Variants in EPS15L1 observed in about 807,000 individuals in gnomAD.
The protein encoded by EPS15L1 is epidermal growth factor receptor substrate 15-like 1.
Under a neutral mutation model 117.1 loss-of-function variants are expected in EPS15L1, and 43 were observed. The ratio of observed to expected loss-of-function variants is 0.37; its 90% CI spans 0.29 to 0.47. The LOEUF is 0.47. Ranked by LOEUF, EPS15L1 falls within the 20% of genes least tolerant of loss-of-function variation. EPS15L1 has a pLI of 0.99. For synonymous variants in EPS15L1, 459 were observed against 470.5 expected, an observed-to-expected ratio of 0.98 and a Z score of 0.32; for missense variants, 981 against 1,164.0, an observed-to-expected ratio of 0.84 and a Z score of 2.29.
chr19:16,369,332 G>A (rs1309781515), intron 22 of EPS15L1, among the ~76,000 whole-genome samples: 3 of 152,158 alleles, frequency 2.0e-5, no homozygotes, highest in African/African-American at 7.2e-5. Flanking sequence ...ACCGAATTTT[G>A]AGAAAATCTG....
chr19:16,426,138 T>C (rs150433066), intron 8 of EPS15L1, among the ~76,000 whole-genome samples: 331 of 152,324 alleles, frequency 2.2e-3, no homozygotes, highest in Non-Finnish European at 4.0e-3. Context: ...TTGACCCACC[T>C]TGACCCAGTG....
At chr19:16,421,242 C>A in intron 10 of EPS15L1, 77 bp downstream of exon 10, 1 of 1,489,094 alleles carries the variant, frequency 6.7e-7, no homozygotes, top group South Asian at 1.3e-5. Context: ...GGCCCCCTGA[C>A]CACCACCCTC....
chr19:16,406,490 C>T (rs539012168), intron 13 of EPS15L1, among the ~76,000 whole-genome samples: 4 of 152,308 alleles, frequency 2.6e-5, no homozygotes, highest in Admixed American at 6.5e-5. Context: ...CCCAATGCTC[C>T]GAGCGATGCT....
At chr19:16,428,659 A>G in intron 8 of EPS15L1, 43 bp downstream of exon 8, 1 of 1,551,770 alleles carries the variant, frequency 6.4e-7, no homozygotes, top group East Asian at 2.3e-5. Flanking sequence ...CGCACTGCAC[A>G]TTTCCTTCCT....
At chr19:16,406,726 C>G (rs527549537) in intron 13 of EPS15L1, among the ~76,000 whole-genome samples, 13 of 152,344 alleles carry the variant, frequency 8.5e-5, no homozygotes, top group African/African-American at 3.1e-4. Context: ...CCAAAGATGC[C>G]AAAATGTGTA....
intron 1 of EPS15L1, among the ~76,000 whole-genome samples, chr19:16,458,015 G>T (rs2093213658): frequency 6.6e-6 from 1 of 152,064 alleles, no homozygotes; most frequent in African/African-American, 2.4e-5. Context: ...TTCCTTTCCT[G>T]CATCAGCTAC....
chr19:16,379,042 G>A lies in EPS15L1; in HGVS notation c.2248-1788C>T, dbSNP rs970034832. ...TTCCTGGCCGGGCGCACTGGCTCACGCCTGTAATCCCAGCACTTTGGGAGG... is the reference window on the plus strand; with the variant it reads ...TTCCTGGCCGGGCGCACTGGCTCACACCTGTAATCCCAGCACTTTGGGAGG... On this transcript the variant is annotated intron_variant, in intron 21 of 23. Coordinates refer to ENST00000455140, the MANE Select transcript of EPS15L1 (RefSeq NM_001258374.3). 5.3e-5 allele frequency among the ~76,000 whole-genome samples: 8 copies of A among 152,190 alleles called. No homozygotes were observed. The East Asian group carries it at 9.6e-4, about 18-fold the overall frequency.
chr19:16,452,731 T>C (rs565535370), intron 1 of EPS15L1, among the ~76,000 whole-genome samples: 35 of 152,214 alleles, frequency 2.3e-4, no homozygotes, highest in Middle Eastern at 6.8e-3. Flanking sequence ...TTGATAACTG[T>C]TGTAAATGGG....
Position 16,425,159 on chromosome 19 carries a change from G to A in EPS15L1, c.716C>T (p.Thr239Met), listed in dbSNP as rs143789982. ...GCTGCTGACGCTGCCGTGGGACGGCGTGGAGCGGAGGCTGTCTTTTGGTGG... is the reference window on the plus strand; with the variant it reads ...GCTGCTGACGCTGCCGTGGGACGGCATGGAGCGGAGGCTGTCTTTTGGTGG... ...SPPPKDSLRS[T>M]PSHGSVSSLN... Residue 239 changes from threonine (T) to methionine (M), a missense_variant, in exon 9 of 24, where the codon ACG becomes ATG. Physicochemically the swap from Thr to Met is moderately conservative, Grantham distance 81 (BLOSUM62 -1). Transcript: ENST00000455140. 9.3e-6 allele frequency: 15 copies of A among 1,613,896 alleles called. No individual in the cohort carries two copies. Among genetic ancestry groups the A allele is most frequent in the Admixed American group, 3.3e-5 (2 of 59,994 alleles).
At chr19:16,442,913 G>A (rs894422438) in intron 1 of EPS15L1, among the ~76,000 whole-genome samples, 1 of 152,174 alleles carries the variant, frequency 6.6e-6, no homozygotes, top group Non-Finnish European at 1.5e-5. Flanking sequence ...GGCCACCAGA[G>A]GCCACACCTG....
intron 1 of EPS15L1, among the ~76,000 whole-genome samples, chr19:16,464,015 G>A (rs2093277555): frequency 6.6e-6 from 1 of 152,240 alleles, no homozygotes; most frequent in Non-Finnish European, 1.5e-5. Flanking sequence ...TGCAGGCCTG[G>A]GAAACACGGG....
At chr19:16,412,860 C>G (rs1472516451) in intron 13 of EPS15L1, 2 of 568,052 alleles carry the variant, frequency 3.5e-6, no homozygotes, top group Non-Finnish European at 3.3e-6. Context: ...GAGGCAAGGC[C>G]GAGGATAAGG....
chr19:16,366,556 A>AC (rs774420081), intron 22 of EPS15L1, among the ~76,000 whole-genome samples: 2 of 152,148 alleles, frequency 1.3e-5, no homozygotes, highest in Non-Finnish European at 2.9e-5. Context: ...TGTTGCCGAA[A>AC]CCGTTGTTAT....
chr19:16,462,287 T>C (rs879662124), intron 1 of EPS15L1, among the ~76,000 whole-genome samples: 9 of 152,118 alleles, frequency 5.9e-5, no homozygotes, highest in Admixed American at 4.6e-4. Flanking sequence ...CTGGGCCCAC[T>C]CACTGGTGAG....
At chr19:16,359,821 C>G (rs1164191905) in intron 23 of EPS15L1, among the ~76,000 whole-genome samples, 2 of 151,876 alleles carry the variant, frequency 1.3e-5, no homozygotes, top group Non-Finnish European at 2.9e-5. Context: ...TGTGACTGCA[C>G]CACTGCATTC....
intron 7 of EPS15L1, among the ~76,000 whole-genome samples, chr19:16,431,400 T>C (rs1033105472): frequency 1.1e-4 from 16 of 151,448 alleles, no homozygotes; most frequent in African/African-American, 3.6e-4. Context: ...GCCTCCCAGA[T>C]TCAAGCGATT....
At chr19:16,401,707 C>T (rs774427381) in intron 16 of EPS15L1, 6 of 985,372 alleles carry the variant, frequency 6.1e-6, no homozygotes, top group South Asian at 4.7e-5. Flanking sequence ...TGTAAGGGGC[C>T]GACAGTCCCC....
Position 16,395,342 on chromosome 19 carries a change from A to C in EPS15L1, c.1915+2T>G. On this transcript the variant is annotated splice_donor_variant, in intron 17 of 23. Transcript: ENST00000455140. LOFTEE classifies it high-confidence loss of function. ...TGAGAAAGTGGGTAGCAAGTGAGATACCTTTGAAGGGGTCAGCTCCTTTAA... is the reference window on the plus strand; with the variant it reads ...TGAGAAAGTGGGTAGCAAGTGAGATCCCTTTGAAGGGGTCAGCTCCTTTAA... The C allele has an allele frequency of 6.2e-7, 1 of 1,611,434 alleles. No homozygotes were observed. The highest frequency in any genetic ancestry group is 8.5e-7 in the Non-Finnish European group (1 of 1,178,842).
chr19:16,429,093 A>C (rs1379341259), intron 7 of EPS15L1, among the ~76,000 whole-genome samples: 2 of 152,144 alleles, frequency 1.3e-5, no homozygotes, highest in African/African-American at 2.4e-5. Context: ...GATTGAGTAC[A>C]GGTGTTGCCC....
Sources: allele counts gnomAD v4.1 joint callset (sites outside exome capture counted in the v4.1 genomes callset), GRCh38; gene constraint gnomAD v4.1.1; transcripts MANE v1.5; gene names NCBI Gene and HGNC (gene_info 2026-07-23, HGNC 2026-07-21).